AKAP19: variants seen among roughly 807,000 people sequenced by gnomAD.
The protein encoded by AKAP19 is small A-kinase anchoring protein.
At chr2:190,084,035 G>T in the AKAP19 span, among the ~76,000 whole-genome samples, 1 of 151,036 alleles carries the variant, frequency 6.6e-6, no homozygotes. Context: ...GGTTAAATTT[G>T]CACAAAGCCC....
chr2:189,959,883 G>A, the AKAP19 span, among the ~76,000 whole-genome samples: 2 of 152,076 alleles, frequency 1.3e-5, no homozygotes, highest in Non-Finnish European at 2.9e-5. Context: ...CATATACCCA[G>A]AAATATTTGT....
At chr2:189,972,912 A>G in the AKAP19 span, among the ~76,000 whole-genome samples, 104,788 of 152,036 alleles carry the variant, frequency 0.69, 37,052 homozygotes, top group East Asian at 0.87. Context: ...TAAATATACA[A>G]TCATGTCATC....
At chr2:189,890,810 G>GTC in the AKAP19 span, among the ~76,000 whole-genome samples, 1 of 152,114 alleles carries the variant, frequency 6.6e-6, no homozygotes, top group East Asian at 1.9e-4. Flanking sequence ...GCCTATATGT[G>GTC]TCTCTGCACA....
the AKAP19 span, among the ~76,000 whole-genome samples, chr2:190,107,593 C>A: frequency 6.6e-6 from 1 of 152,136 alleles, no homozygotes; most frequent in African/African-American, 2.4e-5. Context: ...GATGTCCAGC[C>A]TCATCCTTCA....
the AKAP19 span, among the ~76,000 whole-genome samples, chr2:190,145,259 C>A: frequency 6.6e-6 from 1 of 152,172 alleles, no homozygotes; most frequent in Admixed American, 6.5e-5. Context: ...AGAGTGAGAC[C>A]TTGTTCCAGA....
At chr2:190,024,316 A>ATG in the AKAP19 span, among the ~76,000 whole-genome samples, 387 of 148,250 alleles carry the variant, frequency 2.6e-3, 1 homozygote, top group African/African-American at 8.5e-3. Context: ...ATATATATAT[A>ATG]TGTGTGTGTG....
At chr2:190,002,231 G>A in the AKAP19 span, among the ~76,000 whole-genome samples, 1 of 152,218 alleles carries the variant, frequency 6.6e-6, no homozygotes, top group Non-Finnish European at 1.5e-5. Flanking sequence ...TACTGAAATG[G>A]TTATTTTGAT....
At chr2:189,880,130 C>G in the AKAP19 span, among the ~76,000 whole-genome samples, 3 of 152,170 alleles carry the variant, frequency 2.0e-5, no homozygotes, top group Non-Finnish European at 4.4e-5. Context: ...GCAACCCAAC[C>G]CAGCACAGCC....
the AKAP19 span, among the ~76,000 whole-genome samples, chr2:189,916,506 G>C: frequency 6.6e-6 from 1 of 151,976 alleles, no homozygotes; most frequent in Admixed American, 6.6e-5. Context: ...ATTTTTAGTA[G>C]AGATGGGGTT....
chr2:189,881,964 T>G, the AKAP19 span, among the ~76,000 whole-genome samples: 1 of 152,202 alleles, frequency 6.6e-6, no homozygotes, highest in Non-Finnish European at 1.5e-5. Flanking sequence ...AATTATTTGT[T>G]TTTACATAGG....
the AKAP19 span, among the ~76,000 whole-genome samples, chr2:189,995,894 A>G: frequency 6.6e-6 from 1 of 152,026 alleles, no homozygotes; most frequent in Non-Finnish European, 1.5e-5. Flanking sequence ...GCTGACAATT[A>G]TTTTGTTTGA....
chr2:190,178,356 C>T, the AKAP19 span, among the ~76,000 whole-genome samples: 4 of 152,342 alleles, frequency 2.6e-5, no homozygotes, highest in East Asian at 3.9e-4. This position sits in a 1 kb window ranked among gnomAD's most constrained non-coding sequence, Gnocchi z 6.3. Context: ...CCAGGCCCAA[C>T]CTGCAAGTAC....
At chr2:190,184,914 C>A in the AKAP19 span, among the ~76,000 whole-genome samples, 5 of 152,214 alleles carry the variant, frequency 3.3e-5, no homozygotes, top group Non-Finnish European at 7.3e-5. Flanking sequence ...CCCCAAGACA[C>A]TGTACTGTTA....
At chr2:190,159,166 C>A in the AKAP19 span, among the ~76,000 whole-genome samples, 9 of 152,118 alleles carry the variant, frequency 5.9e-5, no homozygotes, top group African/African-American at 9.7e-5. Context: ...TGATTAGTAG[C>A]GACTGGCCTC....
chr2:190,054,704 G>A, the AKAP19 span, among the ~76,000 whole-genome samples: 1 of 152,190 alleles, frequency 6.6e-6, no homozygotes, highest in Non-Finnish European at 1.5e-5. Flanking sequence ...AGACATTTAT[G>A]CAGCCAAAAG....
the AKAP19 span, among the ~76,000 whole-genome samples, chr2:190,173,134 A>G: frequency 2.0e-5 from 3 of 152,048 alleles, no homozygotes; most frequent in African/African-American, 7.2e-5. Context: ...AAAATAAAAT[A>G]AAAATGAGAT....
chr2:189,924,040 T>C, the AKAP19 span: 1 of 1,545,688 alleles, frequency 6.5e-7, no homozygotes, highest in Non-Finnish European at 8.9e-7. Context: ...ATGAGACTAA[T>C]GTGAAGATGG....
chr2:190,038,264 T>A, the AKAP19 span, among the ~76,000 whole-genome samples: 5 of 152,166 alleles, frequency 3.3e-5, no homozygotes, highest in Non-Finnish European at 7.3e-5. Flanking sequence ...CCCTGTACCT[T>A]GTCATCCACA....
At chr2:190,111,658 TAGAC>T in the AKAP19 span, among the ~76,000 whole-genome samples, 34 of 151,740 alleles carry the variant, frequency 2.2e-4, no homozygotes, top group African/African-American at 5.3e-4. Context: ...ATTAGATAGA[TAGAC>T]AGACAGACAG....
Sources: allele counts gnomAD v4.1 joint callset (sites outside exome capture counted in the v4.1 genomes callset), GRCh38; gene constraint gnomAD v4.1.1; non-coding constraint Gnocchi (gnomAD v3.1); transcripts MANE v1.5; gene names NCBI Gene and HGNC (gene_info 2026-07-23, HGNC 2026-07-21).